The following RBFOX1 variants were observed in gnomAD, a reference collection of about 807,000 sequenced individuals.
RBFOX1 encodes the protein RNA binding protein fox-1 homolog 1.
Under a neutral mutation model 57.7 loss-of-function variants are expected in RBFOX1, and 8 were observed. The observed-to-expected ratio is 0.14, with a 90% CI of 0.08 to 0.25. The LOEUF (loss-of-function observed/expected upper bound fraction) is 0.25. Among genes scored for constraint, RBFOX1 ranks in the 10% least tolerant of loss-of-function variants. The pLI, the probability that RBFOX1 is intolerant of heterozygous loss-of-function variation, is 1.00. For synonymous variants in RBFOX1, 326 were observed against 222.4 expected, an observed-to-expected ratio of 1.47 and a Z score of -4.15; for missense variants, 611 against 548.5, an observed-to-expected ratio of 1.11 and a Z score of -1.14.
intron 4 of RBFOX1, among the ~76,000 whole-genome samples, chr16:7,390,319 A>G (rs915892065): frequency 6.6e-6 from 1 of 152,142 alleles, no homozygotes; most frequent in African/African-American, 2.4e-5. Flanking sequence ...TTCCCATAAC[A>G]ATAGAGAGAA....
chr16:7,341,717 TCCCTCCCTCCCTC>T (rs1241774419), intron 4 of RBFOX1, among the ~76,000 whole-genome samples: 1 of 142,398 alleles, frequency 7.0e-6, no homozygotes, highest in Non-Finnish European at 1.5e-5. Context: ...CTTCCTTCCT[TCCCTCCCTCCCTC>T]CCTCCTTCCC....
chr16:5,832,606 C>A (rs758140299), intron 3 of RBFOX1, among the ~76,000 whole-genome samples: 5 of 152,178 alleles, frequency 3.3e-5, no homozygotes, highest in African/African-American at 4.8e-5. Context: ...GCAATTACAC[C>A]TATTTGATGT....
chr16:6,072,575 T>A (rs1343607148), intron 1 of RBFOX1, among the ~76,000 whole-genome samples: 1 of 152,114 alleles, frequency 6.6e-6, no homozygotes, highest in Non-Finnish European at 1.5e-5. Flanking sequence ...TATTCAGCAA[T>A]GGCAAAAGGG....
chr16:7,104,086 C>T (rs575204230), intron 4 of RBFOX1, among the ~76,000 whole-genome samples: 1 of 152,280 alleles, frequency 6.6e-6, no homozygotes, highest in Admixed American at 6.5e-5. Flanking sequence ...TGCAATCCCA[C>T]AGATGTCAGA....
At chr16:6,852,421 T>C (rs2094121065) in intron 3 of RBFOX1, among the ~76,000 whole-genome samples, 1 of 152,230 alleles carries the variant, frequency 6.6e-6, no homozygotes, top group Admixed American at 6.5e-5. Flanking sequence ...ACAAAGTTTA[T>C]AAGTTTCAGG....
In RBFOX1 at chr16:7,509,390, C is replaced by CTGTGTG. The variant is rs34760329; in HGVS notation, c.28-8721_28-8716dup. ...CATAATGTGTACTAGGAGCCAAGCC[C>CTGTGTG]TGTGTGTGTGTGTGTGTGTGTGTGT... On this transcript the variant is annotated intron_variant, in intron 4 of 15. Transcript: ENST00000550418. Among the ~76,000 whole-genome samples, 1,448 of 145,124 alleles carry CTGTGTG rather than the reference C, an allele frequency of 1.0e-2. 15 individuals are homozygous for CTGTGTG. The highest frequency in any genetic ancestry group is 0.042 in the South Asian group (175 of 4,158).
At chr16:6,481,203 A>G (rs747000535) in intron 2 of RBFOX1, among the ~76,000 whole-genome samples, 13 of 152,102 alleles carry the variant, frequency 8.5e-5, no homozygotes, top group Non-Finnish European at 1.6e-4. Flanking sequence ...TGTTTTACTT[A>G]TGGGGTGGGA....
intron 3 of RBFOX1, among the ~76,000 whole-genome samples, chr16:6,680,906 A>G (rs1350358612): frequency 6.6e-6 from 1 of 152,244 alleles, no homozygotes; most frequent in Non-Finnish European, 1.5e-5. Context: ...CAATATTTAT[A>G]CAAAGATTAC....
chr16:5,623,924 G>A (rs1313368249), intron 3 of RBFOX1, among the ~76,000 whole-genome samples: 1 of 152,176 alleles, frequency 6.6e-6, no homozygotes, highest in Non-Finnish European at 1.5e-5. Context: ...TATTCACAGA[G>A]TTGTGCCAAC....
chr16:5,264,047 T>C (rs1300397184), intron 1 of RBFOX1, among the ~76,000 whole-genome samples: 1 of 151,974 alleles, frequency 6.6e-6, no homozygotes, highest in Non-Finnish European at 1.5e-5. Context: ...AGAACGAGTT[T>C]AGGAGCACAT....
chr16:6,687,286 G>A (rs918521983), intron 3 of RBFOX1, among the ~76,000 whole-genome samples: 4 of 152,132 alleles, frequency 2.6e-5, no homozygotes, highest in Admixed American at 2.6e-4. Flanking sequence ...ATACTCAGAA[G>A]GGGGAGGTTG....
intron 4 of RBFOX1, among the ~76,000 whole-genome samples, chr16:5,948,930 A>G (rs1597915093): frequency 1.3e-5 from 2 of 152,096 alleles, no homozygotes; most frequent in East Asian, 3.9e-4. Context: ...ACAACAACAG[A>G]TGTTTCAATG....
intron 3 of RBFOX1, among the ~76,000 whole-genome samples, chr16:6,656,429 A>T (rs1269767830): frequency 1.3e-5 from 2 of 152,124 alleles, no homozygotes; most frequent in Admixed American, 6.6e-5. Context: ...GGGCAAGGAG[A>T]GTCACCCAAG....
chr16:7,234,117 A>G (rs1390691916), intron 4 of RBFOX1, among the ~76,000 whole-genome samples: 3 of 152,030 alleles, frequency 2.0e-5, no homozygotes, highest in African/African-American at 7.3e-5. Flanking sequence ...ATTCAGCTCT[A>G]TTCACAAAGG....
At chr16:5,571,142 C>G (rs1044237070) in intron 2 of RBFOX1, among the ~76,000 whole-genome samples, 7 of 151,146 alleles carry the variant, frequency 4.6e-5, no homozygotes, top group Admixed American at 2.0e-4. Context: ...TGTCTACAGT[C>G]AGAGTCATGA....
chr16:7,572,978 G>C (rs1441818881), intron 5 of RBFOX1, among the ~76,000 whole-genome samples: 1 of 152,024 alleles, frequency 6.6e-6, no homozygotes, highest in East Asian at 1.9e-4. Context: ...GTTACATCCT[G>C]GTAGAAAAGA....
At chr16:6,365,233 T>C (rs532801238) in intron 2 of RBFOX1, among the ~76,000 whole-genome samples, 1 of 152,194 alleles carries the variant, frequency 6.6e-6, no homozygotes, top group South Asian at 2.1e-4. Flanking sequence ...GATGGGTAGA[T>C]GGATGGATAG....
rs568327870 is a variant in RBFOX1, at chr16:7,657,296, C to A, written c.890+3349C>A. On this transcript the variant is annotated intron_variant, in intron 12 of 15. Transcript: ENST00000550418. ...TCCCTAAGGATGCCCTACATTCATC[C>A]ATTTCCTTTTAAAAAAAATTTTTTT... Among the ~76,000 whole-genome samples, 8 of 152,220 alleles carry A rather than the reference C, an allele frequency of 5.3e-5. No homozygotes were observed. In the South Asian group the frequency reaches 1.7e-3, roughly 32 times the overall value.
Position 6,019,930 on chromosome 16 carries a change from C to CA in RBFOX1, c.-188dup. 1 of 1,534,620 alleles carries CA rather than the reference C, an allele frequency of 6.5e-7. No homozygotes were observed. Among genetic ancestry groups the CA allele is most frequent in the Non-Finnish European group, 8.7e-7 (1 of 1,146,308 alleles). On this transcript the variant is annotated 5_prime_UTR_variant, in exon 1 of 16. An upstream open reading frame in the 5' UTR loses its in-frame stop. Transcript: ENST00000550418. The surrounding 1 kb of genome is among the most constrained non-coding windows in gnomAD (Gnocchi z 4.2). ...AGTGTGGCTGGGGGTGCAGAGAGCG[C>CA]ACGGGAATTCGGGGGTCTGGGGCCG...
Sources: allele counts gnomAD v4.1 joint callset (sites outside exome capture counted in the v4.1 genomes callset), GRCh38; gene constraint gnomAD v4.1.1; non-coding constraint Gnocchi (gnomAD v3.1); transcripts MANE v1.5; gene names NCBI Gene and HGNC (gene_info 2026-07-23, HGNC 2026-07-21).